PPP1R37: variants seen among roughly 807,000 people sequenced by gnomAD.
PPP1R37 encodes the protein protein phosphatase 1 regulatory subunit 37, also known as leucine rich repeat containing 68.
PPP1R37 carries 21 observed loss-of-function variants against 61.0 expected under a neutral mutation model. The observed-to-expected ratio is 0.34, with a 90% CI of 0.24 to 0.50. PPP1R37 has a LOEUF of 0.50. PPP1R37 is among the 20% of genes least tolerant of loss of function. PPP1R37 has a pLI of 0.98. For synonymous variants in PPP1R37, 443 were observed against 433.5 expected (o/e 1.02, Z -0.27); for missense variants, 910 against 952.7 (o/e 0.96, Z 0.59).
chr19:45,134,241 C>T (rs1206873325), intron 1 of PPP1R37, among the ~76,000 whole-genome samples: 2 of 152,094 alleles, frequency 1.3e-5, no homozygotes, highest in Non-Finnish European at 1.5e-5. Context: ...TGGCCTAAAG[C>T]AATCCTCCTG....
chr19:45,140,055 G>A (rs1253703143), intron 2 of PPP1R37, among the ~76,000 whole-genome samples, 181 bp from the exon 3 acceptor site: 1 of 152,220 alleles, frequency 6.6e-6, no homozygotes, highest in Non-Finnish European at 1.5e-5. Flanking sequence ...GAGTTCTCTC[G>A]CTGTCTAAGG....
At chr19:45,098,193 G>C (rs1017201191) in intron 1 of PPP1R37, among the ~76,000 whole-genome samples, 1 of 151,480 alleles carries the variant, frequency 6.6e-6, no homozygotes, top group Non-Finnish European at 1.5e-5. Flanking sequence ...AGCACTGCCA[G>C]GCTGGGCACG....
At chr19:45,095,311 T>G (rs1319926107) in intron 1 of PPP1R37, among the ~76,000 whole-genome samples, 1 of 152,118 alleles carries the variant, frequency 6.6e-6, no homozygotes. Context: ...AATGTTTGTA[T>G]TTTTAGTAGA....
intron 1 of PPP1R37, among the ~76,000 whole-genome samples, chr19:45,110,425 A>T (rs777397984): frequency 2.0e-5 from 3 of 151,530 alleles, no homozygotes; most frequent in African/African-American, 2.4e-5. Flanking sequence ...CACATTTCTT[A>T]CTTTTACTCA....
Position 45,142,052 on chromosome 19 carries a change from C to G in PPP1R37, c.568-9C>G. 1.3e-6 allele frequency: 2 copies of G among 1,505,688 alleles called. No homozygotes were observed. Among genetic ancestry groups the G allele is most frequent in the Non-Finnish European group, 1.8e-6 (2 of 1,129,364 alleles). The allele number at this position is 1,505,688 out of a possible 1,614,324, so 93.3% of individuals were successfully genotyped here. ...CCAGTGCCTCACCCCTGTCCTCTTG[C>G]CCCTGCAGACGAGCTGCCTGCAGTA... On this transcript the variant is annotated splice_polypyrimidine_tract_variant and intron_variant, in intron 5 of 12. Transcript: ENST00000221462.
chr19:45,145,478 G>A lies in PPP1R37; in HGVS notation c.1422G>A (p.Met474Ile). The A allele has an allele frequency of 6.5e-7, 1 of 1,534,828 alleles. No homozygotes were observed. Among genetic ancestry groups the A allele is most frequent in the Non-Finnish European group, 8.7e-7 (1 of 1,146,482 alleles). ...KEQPPQLSAS[M>I]PETTATEPQP... The stretch of plus-strand genomic sequence containing the variant: ...AGCCGCCACAGCTGTCGGCCTCCAT[G>A]CCTGAGACCACCGCCACCGAGCCCC... The change falls in exon 11 of 13, where the codon ATG becomes ATA. Residue 474 changes from methionine (M) to isoleucine (I), a missense_variant. Met to Ile is a conservative substitution (Grantham distance 10). Transcript: ENST00000221462.
chr19:45,093,789 TAAAG>T (rs1967955849), intron 1 of PPP1R37, among the ~76,000 whole-genome samples: 1 of 152,228 alleles, frequency 6.6e-6, no homozygotes, highest in Admixed American at 6.5e-5. Context: ...GATGAGCAAT[TAAAG>T]AAAGTTTGGT....
At chr19:45,096,415 C>A (rs1207271850) in intron 1 of PPP1R37, among the ~76,000 whole-genome samples, 1 of 152,148 alleles carries the variant, frequency 6.6e-6, no homozygotes, top group Non-Finnish European at 1.5e-5. Flanking sequence ...CCTCTCCAAG[C>A]CTCTGTTTCT....
intron 1 of PPP1R37, among the ~76,000 whole-genome samples, chr19:45,098,147 G>A (rs186416048): frequency 6.1e-4 from 92 of 151,638 alleles, no homozygotes; most frequent in African/African-American, 2.1e-3. Context: ...TCGGGGAGGA[G>A]GCAGGCTGGG....
chr19:45,109,957 C>T (rs1226014333), intron 1 of PPP1R37, among the ~76,000 whole-genome samples: 1 of 152,152 alleles, frequency 6.6e-6, no homozygotes, highest in Non-Finnish European at 1.5e-5. Context: ...TTTTGTGTGG[C>T]TCCTGTTGGC....
rs566152255 is a variant in PPP1R37 at position 45,119,148 on chromosome 19, C to T, written c.203-19366C>T. On this transcript the variant is annotated intron_variant, in intron 1 of 12. Coordinates refer to ENST00000221462, the MANE Select transcript of PPP1R37 (RefSeq NM_019121.2). ...GGATTACAGGCACGTGCCACAACACCCGTCTAATTTTTTTTTTTTTTTGAG... is the reference window on the plus strand; with the variant it reads ...GGATTACAGGCACGTGCCACAACACTCGTCTAATTTTTTTTTTTTTTTGAG... 2.0e-3 allele frequency among the ~76,000 whole-genome samples: 297 copies of T among 151,818 alleles called. 1 individual carries two copies. Among genetic ancestry groups the T allele is most frequent in the African/African-American group, 6.9e-3 (286 of 41,398 alleles).
chr19:45,103,755 A>AGC (rs1968093731), intron 1 of PPP1R37, among the ~76,000 whole-genome samples: 1 of 152,106 alleles, frequency 6.6e-6, no homozygotes, highest in South Asian at 2.1e-4. Flanking sequence ...CCATTTATGG[A>AGC]GCGCTTAACA....
At chr19:45,111,447 G>C (rs1968199476) in intron 1 of PPP1R37, among the ~76,000 whole-genome samples, 1 of 151,970 alleles carries the variant, frequency 6.6e-6, no homozygotes, top group Non-Finnish European at 1.5e-5. Context: ...GCTAACTTTT[G>C]TATTTTTTTA....
chr19:45,106,510 C>T (rs1283287867), intron 1 of PPP1R37, among the ~76,000 whole-genome samples: 1 of 152,090 alleles, frequency 6.6e-6, no homozygotes, highest in Non-Finnish European at 1.5e-5. Flanking sequence ...TCCCAAAGCT[C>T]TGGGATTACA....
At chr19:45,136,607 G>A (rs1968541798) in intron 1 of PPP1R37, among the ~76,000 whole-genome samples, 1 of 152,168 alleles carries the variant, frequency 6.6e-6, no homozygotes, top group South Asian at 2.1e-4. Flanking sequence ...CTGTCTGCAA[G>A]AGGGGCACCT....
Position 45,146,692 on chromosome 19 carries a change from C to G in PPP1R37, c.*130C>G, listed in dbSNP as rs1047680344. 7 of 525,580 alleles carry G rather than the reference C, an allele frequency of 1.3e-5. No individual in the cohort carries two copies. In the Admixed American group the frequency reaches 1.9e-4, roughly 14 times the overall value. 32.6% of individuals were successfully genotyped at this position (525,580 alleles called of 1,614,324 possible). The stretch of plus-strand genomic sequence containing the variant: ...GTGGGGGCCATTCTGGGGCCCCCCT[C>G]CCCCCACAGCAACACTACAAGGGGT... On this transcript the variant is annotated 3_prime_UTR_variant, in exon 13 of 13. Transcript: ENST00000221462.
intron 1 of PPP1R37, among the ~76,000 whole-genome samples, chr19:45,120,408 G>A (rs1968327625): frequency 6.6e-6 from 1 of 152,076 alleles, no homozygotes; most frequent in Admixed American, 6.5e-5. Context: ...GTTCCCTGTT[G>A]GCTAAGAGAG....
chr19:45,126,663 G>T (rs1007961860), intron 1 of PPP1R37, among the ~76,000 whole-genome samples: 7 of 152,162 alleles, frequency 4.6e-5, no homozygotes, highest in Non-Finnish European at 8.8e-5. Context: ...TTGCCTCCAT[G>T]CTCTTAAAAG....
Position 45,146,453 on chromosome 19 carries a change from C to G in PPP1R37, c.2057C>G (p.Ser686Cys). 6.5e-7 allele frequency: 1 copy of G among 1,535,810 alleles called. No individual in the cohort carries two copies. Among genetic ancestry groups the G allele is most frequent in the Non-Finnish European group, 8.7e-7 (1 of 1,146,748 alleles). The change falls in exon 12 of 13, where the codon TCC becomes TGC. Residue 686 changes from serine (S) to cysteine (C), a missense_variant. Around this residue, in one of 3 missense-constraint regions of PPP1R37, gnomAD observed 549 missense variants for 505.1 expected, o/e 1.09. Transcript: ENST00000221462. ...CTGCTTCTGGAAGCCAGTCAGGAATCCGGGCAGGAGACACTGTGACACTTT... is the reference window on the plus strand; with the variant it reads ...CTGCTTCTGGAAGCCAGTCAGGAATGCGGGCAGGAGACACTGTGACACTTT... ...EELLLEASQE[S>C]GQETL
Sources: allele counts gnomAD v4.1 joint callset (sites outside exome capture counted in the v4.1 genomes callset), GRCh38; gene constraint gnomAD v4.1.1; regional missense constraint gnomAD v4.1.1; transcripts MANE v1.5; gene names NCBI Gene and HGNC (gene_info 2026-07-23, HGNC 2026-07-21).